Variants in TAMM41 observed in about 807,000 individuals in gnomAD.
TAMM41 encodes TAM41 mitochondrial translocator assembly and maintenance homolog, also known as phosphatidate cytidylyltransferase, mitochondrial.
In TAMM41, 36 loss-of-function variants were observed where a neutral mutation model predicts 44.1. That is an observed-to-expected ratio of 0.82 (90% confidence interval 0.63 to 1.08). The LOEUF is 1.08. TAMM41 is among the 50% of genes least tolerant of loss of function. The pLI, the probability that TAMM41 is intolerant of heterozygous loss-of-function variation, is 0.00. For synonymous variants in TAMM41, 164 were observed against 153.1 expected (o/e 1.07, Z -0.53); for missense variants, 417 against 404.3 (o/e 1.03, Z -0.27).
chr3:11,753,215 CA>C, the TAMM41 span, among the ~76,000 whole-genome samples: 2 of 151,676 alleles, frequency 1.3e-5, no homozygotes, highest in African/African-American at 4.8e-5. Flanking sequence ...CACTTGAGCC[CA>C]GGAGTTCAAG....
chr3:11,792,063 G>T (rs988264881), intron 7 of TAMM41, among the ~76,000 whole-genome samples: 1 of 152,210 alleles, frequency 6.6e-6, no homozygotes, highest in Non-Finnish European at 1.5e-5. Context: ...GTCACAGCTA[G>T]AGGAGGATGC....
intron 4 of TAMM41, among the ~76,000 whole-genome samples, chr3:11,821,990 G>A (rs1005481614): frequency 6.6e-6 from 1 of 152,158 alleles, no homozygotes; most frequent in Admixed American, 6.5e-5. Context: ...ATCACTTTCA[G>A]GCGATGTGTA....
chr3:11,739,671 C>CAAAAAAAAAAAAAAAAAAAAAAAAAAA, the TAMM41 span, among the ~76,000 whole-genome samples: 1 of 53,440 alleles, frequency 1.9e-5, no homozygotes, highest in African/African-American at 7.6e-5. Context: ...GACTCCATCT[C>CAAAAAAAAAAAAAAAAAAAAAAAAAAA]AAAAAAAAAA....
At chr3:11,840,479 C>G (rs2079386950) in intron 2 of TAMM41, among the ~76,000 whole-genome samples, 1 of 152,094 alleles carries the variant, frequency 6.6e-6, no homozygotes, top group Non-Finnish European at 1.5e-5. Flanking sequence ...AGGTGATCCA[C>G]TCGCCTCGGC....
intron 5 of TAMM41, among the ~76,000 whole-genome samples, chr3:11,816,453 C>T (rs1051171968): frequency 2.0e-5 from 3 of 152,082 alleles, no homozygotes; most frequent in Non-Finnish European, 4.4e-5. Flanking sequence ...CAAAAGTACA[C>T]GTGAAAAGAT....
chr3:11,724,804 G>A, the TAMM41 span: 1 of 152,308 alleles, frequency 6.6e-6, no homozygotes, highest in Admixed American at 6.5e-5. Context: ...GACGCGTTGT[G>A]GCTGTGTTGT....
the TAMM41 span, among the ~76,000 whole-genome samples, chr3:11,776,741 C>T: frequency 2.0e-5 from 3 of 152,334 alleles, no homozygotes; most frequent in Admixed American, 2.0e-4. Flanking sequence ...CAGGACTTAA[C>T]GCTCTTTCGA....
chr3:11,792,144 A>G (rs2077494827), intron 7 of TAMM41, among the ~76,000 whole-genome samples: 4 of 151,922 alleles, frequency 2.6e-5, no homozygotes. Flanking sequence ...AGGTAAATAC[A>G]TAAAGTAGAA....
At chr3:11,802,835 CA>C (rs1332903201) in intron 7 of TAMM41, among the ~76,000 whole-genome samples, 2 of 152,102 alleles carry the variant, frequency 1.3e-5, no homozygotes, top group African/African-American at 4.8e-5. Context: ...AACAGCACAT[CA>C]AAAAGAGAAT....
intron 7 of TAMM41, among the ~76,000 whole-genome samples, chr3:11,794,917 A>G (rs1212004488): frequency 7.9e-5 from 12 of 152,218 alleles, no homozygotes; most frequent in Non-Finnish European, 1.6e-4. Flanking sequence ...ATATATCGAC[A>G]AAGAAAATCT....
intron 4 of TAMM41, among the ~76,000 whole-genome samples, chr3:11,825,512 C>T (rs895969085): frequency 6.6e-6 from 1 of 152,224 alleles, no homozygotes; most frequent in Non-Finnish European, 1.5e-5. Context: ...CGTTTCTTTA[C>T]TGGCTTCTAC....
the TAMM41 span, among the ~76,000 whole-genome samples, chr3:11,739,697 A>G: frequency 1.5e-5 from 2 of 137,748 alleles, no homozygotes; most frequent in Admixed American, 7.4e-5. Context: ...AAAAAAAAAA[A>G]GAGACATGTT....
intron 3 of TAMM41, chr3:11,833,190 GT>G: frequency 7.9e-7 from 1 of 1,269,744 alleles, no homozygotes; most frequent in Non-Finnish European, 1.0e-6. Context: ...GTGAATAGCT[GT>G]TTGTATCTTA....
chr3:11,832,958 G>A, intron 3 of TAMM41: 1 of 1,005,294 alleles, frequency 9.9e-7, no homozygotes. Flanking sequence ...AAAGCAGTCT[G>A]TTTGCTATTT....
chr3:11,772,827 T>C, the TAMM41 span, among the ~76,000 whole-genome samples: 1 of 152,236 alleles, frequency 6.6e-6, no homozygotes, highest in Non-Finnish European at 1.5e-5. Context: ...ACATTGATGC[T>C]AATCTTGAGA....
chr3:11,778,531 T>C, the TAMM41 span, among the ~76,000 whole-genome samples: 4 of 152,218 alleles, frequency 2.6e-5, no homozygotes, highest in African/African-American at 7.2e-5. Context: ...CCTCAGCAAC[T>C]GCCCCACTTC....
the TAMM41 span, among the ~76,000 whole-genome samples, chr3:11,736,436 A>T: frequency 1.3e-5 from 2 of 152,196 alleles, no homozygotes; most frequent in South Asian, 4.1e-4. Context: ...TCTGAGCAAG[A>T]TGCCTTTTAT....
chr3:11,801,499 ATT>A (rs1259133388), intron 7 of TAMM41, among the ~76,000 whole-genome samples: 2 of 151,898 alleles, frequency 1.3e-5, no homozygotes, highest in Non-Finnish European at 2.9e-5. Context: ...TGCACAGCTA[ATT>A]TTTTTGTAGA....
At chr3:11,786,286 T>TTTATTA (rs60089566), downstream of TAMM41, among the ~76,000 whole-genome samples, 5,039 of 138,808 alleles carry the variant, frequency 0.036, 116 homozygotes, top group Middle Eastern at 0.047. Flanking sequence ...TTTATTTAAT[T>TTTATTA]TTATTATTAT....
Sources: allele counts gnomAD v4.1 joint callset (sites outside exome capture counted in the v4.1 genomes callset), GRCh38; gene constraint gnomAD v4.1.1; transcripts MANE v1.5; gene names NCBI Gene and HGNC (gene_info 2026-07-23, HGNC 2026-07-21).